HOMER2: variants seen among roughly 807,000 people sequenced by gnomAD.
HOMER2 encodes homer scaffold protein 2, also known as homer protein homolog 2.
Under a neutral mutation model 47.0 loss-of-function variants are expected in HOMER2, and 27 were observed. The observed-to-expected ratio is 0.57, with a 90% CI of 0.42 to 0.79. The LOEUF is 0.79. Ranked by LOEUF, HOMER2 falls within the 30% of genes least tolerant of loss-of-function variation. HOMER2 has a pLI of 0.00. For missense variants in HOMER2, 443 were observed against 435.0 expected (o/e 1.02, Z -0.16); for synonymous variants, 161 against 163.8 (o/e 0.98, Z 0.13).
chr15:82,890,309 T>C (rs2052663946), intron 2 of HOMER2, among the ~76,000 whole-genome samples: 1 of 152,108 alleles, frequency 6.6e-6, no homozygotes, highest in Non-Finnish European at 1.5e-5. Flanking sequence ...GCCACTGCAC[T>C]CCAGCCTAGG....
intron 5 of HOMER2, among the ~76,000 whole-genome samples, chr15:82,857,154 G>T (rs2051612620): frequency 6.6e-6 from 1 of 152,108 alleles, no homozygotes; most frequent in Non-Finnish European, 1.5e-5. Context: ...GAGGGCGTGA[G>T]GATGAAATCT....
chr15:82,844,189 T>G (rs1468915372), downstream of HOMER2: 1 of 152,208 alleles, frequency 6.6e-6, no homozygotes, highest in East Asian at 1.9e-4. Context: ...GGACCCTGAA[T>G]GAGTACAAGG....
intron 3 of HOMER2, among the ~76,000 whole-genome samples, chr15:82,874,092 G>A (rs1165835249): frequency 6.6e-6 from 1 of 152,206 alleles, no homozygotes; most frequent in African/African-American, 2.4e-5. Flanking sequence ...CCAAGAATCT[G>A]GAAATTTGTG....
intron 1 of HOMER2, among the ~76,000 whole-genome samples, chr15:82,901,764 C>A (rs752866692): frequency 3.9e-5 from 6 of 152,220 alleles, no homozygotes; most frequent in Non-Finnish European, 7.3e-5. Flanking sequence ...GAGCTATTTT[C>A]TCTTCCAAAT....
chr15:82,961,798 G>C (rs991166851), intron 1 of HOMER2, among the ~76,000 whole-genome samples: 1 of 152,024 alleles, frequency 6.6e-6, no homozygotes, highest in African/African-American at 2.4e-5. Context: ...TTTTGAGATA[G>C]AGTGGCCCAG....
intron 7 of HOMER2, among the ~76,000 whole-genome samples, chr15:82,851,637 G>A (rs908483182): frequency 5.3e-5 from 8 of 152,186 alleles, no homozygotes; most frequent in African/African-American, 1.9e-4. Context: ...GCGGTGTGGT[G>A]GGCACGTGTG....
At chr15:82,897,312 C>T (rs1382268259) in intron 1 of HOMER2, among the ~76,000 whole-genome samples, 1 of 152,090 alleles carries the variant, frequency 6.6e-6, no homozygotes, top group Non-Finnish European at 1.5e-5. Flanking sequence ...GATCCACATG[C>T]CTCGGCCTCC....
intron 3 of HOMER2, among the ~76,000 whole-genome samples, chr15:82,871,096 C>A (rs1159705780): frequency 3.3e-5 from 5 of 152,218 alleles, no homozygotes; most frequent in Non-Finnish European, 7.3e-5. Flanking sequence ...GGTTTTATGT[C>A]CTCTCCAGTG....
chr15:82,844,926 C>G (rs916715241), downstream of HOMER2: 1 of 152,168 alleles, frequency 6.6e-6, no homozygotes, highest in African/African-American at 2.4e-5. Context: ...CCATCACTCG[C>G]CAAAACATGC....
intron 2 of HOMER2, among the ~76,000 whole-genome samples, chr15:82,880,674 G>C (rs1303362898): frequency 6.6e-6 from 1 of 152,196 alleles, no homozygotes; most frequent in Non-Finnish European, 1.5e-5. Flanking sequence ...CTGGAAGATT[G>C]TGTTAGGGAC....
intron 1 of HOMER2, among the ~76,000 whole-genome samples, chr15:82,984,056 G>A (rs1441485951): frequency 1.1e-4 from 16 of 145,726 alleles, no homozygotes; most frequent in African/African-American, 3.6e-4. Flanking sequence ...TTTTTGAGAC[G>A]GAGTCTTGCT....
At chr15:82,944,274 G>A (rs146916214) in intron 1 of HOMER2, among the ~76,000 whole-genome samples, 1 of 152,248 alleles carries the variant, frequency 6.6e-6, no homozygotes, top group African/African-American at 2.4e-5. Context: ...CTAGGAAACT[G>A]GATCATGATG....
chr15:82,837,794 T>A (rs2051141316), exon 2 of HOMER2: 1 of 152,190 alleles, frequency 6.6e-6, no homozygotes, highest in South Asian at 2.1e-4. Context: ...ACAGAGCAGA[T>A]CTGGGGAAAG....
At chr15:82,964,812 C>G (rs1244778919) in intron 1 of HOMER2, among the ~76,000 whole-genome samples, 1 of 152,094 alleles carries the variant, frequency 6.6e-6, no homozygotes, top group East Asian at 1.9e-4. Flanking sequence ...GAAATAATCC[C>G]TATTTATCTT....
upstream of HOMER2, among the ~76,000 whole-genome samples, chr15:82,953,804 A>C (rs886305851): frequency 6.6e-6 from 1 of 152,190 alleles, no homozygotes; most frequent in Non-Finnish European, 1.5e-5. Context: ...AATCGCGTGA[A>C]CCTGGAAGGC....
At chr15:82,889,033 G>A (rs1190365094) in intron 2 of HOMER2, among the ~76,000 whole-genome samples, 1 of 152,188 alleles carries the variant, frequency 6.6e-6, no homozygotes, top group East Asian at 1.9e-4. Flanking sequence ...TGGCCCAGAA[G>A]TACCACTCAG....
upstream of HOMER2, among the ~76,000 whole-genome samples, chr15:82,955,964 G>T (rs1468046758): frequency 6.6e-6 from 1 of 152,148 alleles, no homozygotes; most frequent in Non-Finnish European, 1.5e-5. Context: ...TGATGGCTGG[G>T]TGTGGTGGCT....
chr15:82,955,448 C>T (rs1330153635), upstream of HOMER2, among the ~76,000 whole-genome samples: 2 of 152,188 alleles, frequency 1.3e-5, no homozygotes, highest in Admixed American at 6.5e-5. Context: ...GGATTATAGG[C>T]GTGAGCCACC....
At chr15:82,858,796 T>TCACA (rs969092174) in intron 5 of HOMER2, among the ~76,000 whole-genome samples, 2 of 151,768 alleles carry the variant, frequency 1.3e-5, no homozygotes, top group South Asian at 4.1e-4. Flanking sequence ...TATCTCTCTC[T>TCACA]CACACACACA....
Sources: gnomAD v4.1 joint callset for allele counts (sites outside exome capture counted in the v4.1 genomes callset) on GRCh38, gnomAD v4.1.1 for gene constraint, MANE v1.5 for transcripts, NCBI Gene and HGNC (gene_info 2026-07-23, HGNC 2026-07-21) for gene names.